Variants in RUNDC3B observed in about 807,000 individuals in gnomAD.
RUNDC3B encodes RUN domain containing 3B, also known as RUN domain-containing protein 3B.
RUNDC3B carries 33 observed loss-of-function variants against 58.4 expected under a neutral mutation model. That is an observed-to-expected ratio of 0.56 (90% CI 0.43 to 0.75). RUNDC3B has a LOEUF of 0.75. Ranked by LOEUF, RUNDC3B falls within the 30% of genes least tolerant of loss-of-function variation. The pLI is 0.00. For missense variants in RUNDC3B, 501 were observed against 535.7 expected (o/e 0.94, Z 0.64); for synonymous variants, 193 against 195.2 (o/e 0.99, Z 0.10).
intron 2 of RUNDC3B, among the ~76,000 whole-genome samples, chr7:87,670,213 A>C (rs576631896): frequency 3.9e-5 from 6 of 152,270 alleles, no homozygotes; most frequent in Non-Finnish European, 5.9e-5. Flanking sequence ...CTTATTTCAG[A>C]GAACCAGTCT....
chr7:87,706,468 C>T (rs1302827837), intron 3 of RUNDC3B, among the ~76,000 whole-genome samples: 1 of 152,018 alleles, frequency 6.6e-6, no homozygotes, highest in Non-Finnish European at 1.5e-5. Flanking sequence ...CCAGTGATAA[C>T]AGAATATCTT....
At chr7:87,775,904 TG>T (rs1834595101) in intron 7 of RUNDC3B, among the ~76,000 whole-genome samples, 3 of 152,194 alleles carry the variant, frequency 2.0e-5, no homozygotes, top group Admixed American at 2.0e-4. Flanking sequence ...ATGGCAAAAT[TG>T]CTTAGCAACA....
At chr7:87,686,755 C>T (rs1827499865) in intron 2 of RUNDC3B, among the ~76,000 whole-genome samples, 1 of 137,190 alleles carries the variant, frequency 7.3e-6, no homozygotes. Context: ...ACCTGGGCAA[C>T]ATGGTGAAAC....
At chr7:87,823,349 ACTGT>A (rs1262781019) in intron 10 of RUNDC3B, among the ~76,000 whole-genome samples, 7 of 152,050 alleles carry the variant, frequency 4.6e-5, no homozygotes, top group Non-Finnish European at 7.4e-5. Flanking sequence ...GAGCAAACAC[ACTGT>A]CTATGCAAAA....
At chr7:87,640,113 T>C (rs1477746819) in intron 1 of RUNDC3B, among the ~76,000 whole-genome samples, 3 of 150,338 alleles carry the variant, frequency 2.0e-5, no homozygotes, top group Non-Finnish European at 4.4e-5. Flanking sequence ...TTAATGCAAA[T>C]TGTAACTTTT....
intron 8 of RUNDC3B, 93 bp downstream of exon 8, chr7:87,778,048 T>C: frequency 2.0e-6 from 2 of 1,012,796 alleles, no homozygotes; most frequent in South Asian, 3.4e-5. Context: ...CCAAGAAATC[T>C]TATTGCCTGT....
chr7:87,781,003 C>A (rs1252309871), intron 8 of RUNDC3B, among the ~76,000 whole-genome samples: 1 of 152,024 alleles, frequency 6.6e-6, no homozygotes, highest in Non-Finnish European at 1.5e-5. Flanking sequence ...TTTTCTAATT[C>A]TGTGAAAAAT....
chr7:87,659,930 A>C (rs1824518743), intron 2 of RUNDC3B, among the ~76,000 whole-genome samples: 1 of 152,078 alleles, frequency 6.6e-6, no homozygotes, highest in South Asian at 2.1e-4. Context: ...TCTCATGTTA[A>C]ATCACCTAAA....
intron 4 of RUNDC3B, among the ~76,000 whole-genome samples, chr7:87,728,138 A>T (rs1415785841): frequency 6.6e-6 from 1 of 152,168 alleles, no homozygotes; most frequent in African/African-American, 2.4e-5. Context: ...GCAGCTCATT[A>T]CTGCTAAAAT....
At chr7:87,629,734 G>A (rs1342800980) in intron 1 of RUNDC3B, among the ~76,000 whole-genome samples, 4 of 151,940 alleles carry the variant, frequency 2.6e-5, no homozygotes, top group Non-Finnish European at 4.4e-5. Flanking sequence ...AGACCAGCCT[G>A]GCCAACATAG....
chr7:87,830,260 A>T lies in RUNDC3B; in HGVS notation c.*230A>T. On this transcript the variant is annotated 3_prime_UTR_variant, in exon 11 of 11. Coordinates refer to ENST00000394654, the MANE Select transcript of RUNDC3B (RefSeq NM_001134405.2). ...TCATTGAGAAAGTTCAAAATGGAAT[A>T]GGCTTTAAAAAAAAAAAAACTTTCA... 3.2e-6 allele frequency: 1 copy of T among 309,322 alleles called. No homozygotes were observed. Among genetic ancestry groups the T allele is most frequent in the Non-Finnish European group, 5.9e-6 (1 of 170,870 alleles). 19.2% of individuals were successfully genotyped at this position (309,322 alleles called of 1,614,324 possible). A position where few individuals can be genotyped will look rare whatever the true frequency, so the allele number is the denominator to read the frequency against.
At chr7:87,709,651 C>A in intron 3 of RUNDC3B, 1 of 311,346 alleles carries the variant, frequency 3.2e-6, no homozygotes, top group Non-Finnish European at 4.7e-6. Flanking sequence ...TTGGTGAATT[C>A]ACTAGACTTG....
chr7:87,637,114 C>T (rs1296735352), intron 1 of RUNDC3B, among the ~76,000 whole-genome samples: 1 of 152,146 alleles, frequency 6.6e-6, no homozygotes, highest in Non-Finnish European at 1.5e-5. Context: ...CTGCTCCCTC[C>T]CATGATATGT....
intron 1 of RUNDC3B, among the ~76,000 whole-genome samples, chr7:87,647,500 T>C (rs1823129593): frequency 6.6e-6 from 1 of 152,196 alleles, no homozygotes; most frequent in South Asian, 2.1e-4. Context: ...CATTTTTCTT[T>C]TGGAAAATAT....
intron 2 of RUNDC3B, among the ~76,000 whole-genome samples, chr7:87,666,505 T>G (rs1825267647): frequency 6.6e-6 from 1 of 152,212 alleles, no homozygotes; most frequent in African/African-American, 2.4e-5. Flanking sequence ...TAGATCCATT[T>G]GTCAATTTTT....
At chr7:87,633,226 C>G (rs187933869) in intron 1 of RUNDC3B, among the ~76,000 whole-genome samples, 1 of 152,106 alleles carries the variant, frequency 6.6e-6, no homozygotes, top group African/African-American at 2.4e-5. Context: ...TATTTTGGAG[C>G]GCAGGATTTG....
intron 2 of RUNDC3B, among the ~76,000 whole-genome samples, chr7:87,687,126 T>A (rs1354714025): frequency 6.6e-6 from 1 of 152,180 alleles, no homozygotes; most frequent in Admixed American, 6.5e-5. Flanking sequence ...TGACTCACAT[T>A]CAGTTTAGAT....
At chr7:87,772,330 G>A (rs1834329214) in intron 7 of RUNDC3B, among the ~76,000 whole-genome samples, 1 of 151,452 alleles carries the variant, frequency 6.6e-6, no homozygotes, top group African/African-American at 2.4e-5. Flanking sequence ...GAGTATGAAA[G>A]CAGAGCAGAA....
intron 1 of RUNDC3B, 33 bp downstream of exon 1, chr7:87,628,978 C>T (rs202139420): frequency 2.3e-6 from 3 of 1,305,040 alleles, no homozygotes; most frequent in Non-Finnish European, 2.0e-6. Flanking sequence ...GAACCAGCCT[C>T]CCGCCGGGGC....
Sources: allele counts gnomAD v4.1 joint callset (sites outside exome capture counted in the v4.1 genomes callset), GRCh38; gene constraint gnomAD v4.1.1; transcripts MANE v1.5; gene names NCBI Gene and HGNC (gene_info 2026-07-23, HGNC 2026-07-21).